RMDN2: variants seen among roughly 807,000 people sequenced by gnomAD.
RMDN2 encodes the protein regulator of microtubule dynamics 2.
Under a neutral mutation model 52.8 loss-of-function variants are expected in RMDN2, and 61 were observed. That is an observed-to-expected ratio of 1.16 (90% CI 0.94 to 1.43). The LOEUF (loss-of-function observed/expected upper bound fraction) is 1.43, where lower values mean the gene tolerates loss of function less well. Ranked by LOEUF, RMDN2 falls within the 40% of genes most tolerant of loss-of-function variation. RMDN2 has a pLI of 0.00. For synonymous variants in RMDN2, 180 were observed against 153.1 expected (o/e 1.18, Z -1.30); for missense variants, 592 against 475.3 (o/e 1.25, Z -2.28).
chr2:38,059,606 G>T (rs889918475), intron 10 of RMDN2, among the ~76,000 whole-genome samples: 2 of 152,186 alleles, frequency 1.3e-5, no homozygotes, highest in Non-Finnish European at 2.9e-5. Flanking sequence ...GTAGAGCAAG[G>T]TAGGCATGTC....
chr2:38,059,767 G>A (rs893731008), intron 10 of RMDN2, among the ~76,000 whole-genome samples: 6 of 152,116 alleles, frequency 3.9e-5, no homozygotes, highest in Non-Finnish European at 8.8e-5. Flanking sequence ...CCAAGGGCAG[G>A]TCTGTATGAT....
At chr2:37,996,301 T>C (rs1675527395) in intron 7 of RMDN2, among the ~76,000 whole-genome samples, 1 of 152,246 alleles carries the variant, frequency 6.6e-6, no homozygotes, top group African/African-American at 2.4e-5. Context: ...TAGAGGATAA[T>C]GGACTGGGCA....
chr2:38,001,405 C>G (rs1200412562), intron 8 of RMDN2, among the ~76,000 whole-genome samples: 1 of 152,206 alleles, frequency 6.6e-6, no homozygotes, highest in East Asian at 1.9e-4. Context: ...TGCTACCCTC[C>G]TTGTAATTCA....
chr2:37,937,931 A>C (rs1373288702), intron 2 of RMDN2, among the ~76,000 whole-genome samples: 2 of 152,182 alleles, frequency 1.3e-5, no homozygotes, highest in Non-Finnish European at 2.9e-5. Context: ...GCTATGTTGA[A>C]TAGGAGTGGT....
At chr2:37,933,101 G>A (rs1383674026) in intron 2 of RMDN2, among the ~76,000 whole-genome samples, 1 of 151,854 alleles carries the variant, frequency 6.6e-6, no homozygotes, top group African/African-American at 2.4e-5. Context: ...TTCTCAGGGC[G>A]GCTGGGCAGA....
chr2:37,963,923 G>A (rs1157440712), intron 2 of RMDN2, among the ~76,000 whole-genome samples: 1 of 148,826 alleles, frequency 6.7e-6, no homozygotes. Context: ...CCTCCCGGAC[G>A]GGGCGGCGGC....
At chr2:38,023,423 A>G (rs979112054) in intron 10 of RMDN2, among the ~76,000 whole-genome samples, 49 of 152,246 alleles carry the variant, frequency 3.2e-4, no homozygotes, top group Non-Finnish European at 1.3e-4. Context: ...TTATATTTGT[A>G]TTTTGAATAT....
intron 1 of RMDN2, among the ~76,000 whole-genome samples, chr2:37,926,106 C>G (rs968101459): frequency 1.3e-5 from 2 of 152,180 alleles, no homozygotes; most frequent in Non-Finnish European, 2.9e-5. Context: ...ACTTAAACCT[C>G]GGGCTTTTTT....
intron 5 of RMDN2, among the ~76,000 whole-genome samples, chr2:37,986,427 C>T (rs922645089): frequency 6.6e-5 from 10 of 152,222 alleles, no homozygotes; most frequent in African/African-American, 2.2e-4. Flanking sequence ...GGGTACACTT[C>T]CTAACTCATT....
At position 38,028,329 on chromosome 2, in the gene RMDN2, T is replaced by TTTA. The variant is rs1276329032; in HGVS notation, c.1713+24122_1713+24124dup. 6.6e-5 allele frequency: 10 copies of TTTA among 152,296 alleles called. No homozygotes were observed. In the East Asian group the frequency reaches 1.9e-3, roughly 29 times the overall value. 9.4% of individuals were successfully genotyped at this position (152,296 alleles called of 1,614,324 possible). A position where few individuals can be genotyped will look rare whatever the true frequency, so the allele number is the denominator to read the frequency against. On this transcript the variant is annotated intron_variant, in intron 10 of 10. Coordinates refer to the RMDN2 transcript ENST00000234195. The stretch of plus-strand genomic sequence containing the variant: ...ATTATCACGTCCAGAAAAATAACAT[T>TTTA]TTATTATTATTTATTGACTGCATAG...
rs138971132 is a variant in RMDN2 at position 38,044,027 on chromosome 2, G to A, written c.1714-22955G>A. Among the ~76,000 whole-genome samples the A allele has an allele frequency of 6.1e-4, 92 of 151,754 alleles. 1 individual carries two copies. The highest frequency in any genetic ancestry group is 1.3e-3 in the African/African-American group (55 of 41,418). ...TTAGAAATTTCTTTTAATATTTCTT[G>A]CAAAGGAGGTCTACTGACTTTGCAA... On this transcript the variant is annotated intron_variant, in intron 10 of 10. Coordinates refer to the RMDN2 transcript ENST00000234195.
At chr2:37,941,819 G>C (rs1306149954) in intron 2 of RMDN2, among the ~76,000 whole-genome samples, 1 of 152,064 alleles carries the variant, frequency 6.6e-6, no homozygotes. Context: ...GTGGATCTTA[G>C]TTTGCTGGGC....
intron 2 of RMDN2, among the ~76,000 whole-genome samples, chr2:37,972,731 TG>T (rs199502940): frequency 0.011 from 1,744 of 151,948 alleles, 33 homozygotes; most frequent in African/African-American, 0.04. Flanking sequence ...TGGGGAGAGG[TG>T]GGGAGAAGTG....
At chr2:38,008,440 G>C (rs1677439154) in intron 10 of RMDN2, among the ~76,000 whole-genome samples, 1 of 152,140 alleles carries the variant, frequency 6.6e-6, no homozygotes, top group Non-Finnish European at 1.5e-5. Context: ...TTGTTGAATT[G>C]ATCCCTTTAC....
intron 1 of RMDN2, among the ~76,000 whole-genome samples, chr2:37,926,991 A>G (rs184840247): frequency 6.6e-6 from 1 of 152,314 alleles, no homozygotes; most frequent in East Asian, 1.9e-4. Flanking sequence ...GAAGGCAAGC[A>G]AGTACTCTGA....
At chr2:38,043,563 T>G (rs1380364517) in intron 10 of RMDN2, among the ~76,000 whole-genome samples, 1 of 152,142 alleles carries the variant, frequency 6.6e-6, no homozygotes, top group African/African-American at 2.4e-5. Flanking sequence ...CTTTGTTTCC[T>G]TTTTTCATCT....
chr2:38,043,559 T>C (rs1681092108), intron 10 of RMDN2, among the ~76,000 whole-genome samples: 1 of 152,144 alleles, frequency 6.6e-6, no homozygotes, highest in African/African-American at 2.4e-5. Context: ...TGTTCTTTGT[T>C]TCCTTTTTTC....
intron 2 of RMDN2, among the ~76,000 whole-genome samples, chr2:37,963,510 G>T (rs1351780934): frequency 3.9e-5 from 6 of 151,910 alleles, no homozygotes; most frequent in Non-Finnish European, 7.4e-5. Context: ...TTAGGGAGTG[G>T]TGATGACTCT....
In RMDN2 at chr2:37,929,376, A is replaced by C. The variant is rs1386211000; in HGVS notation, c.99A>C (p.Pro33=). Residue 33 remains proline, a synonymous_variant, in exon 2 of 11, where the codon CCA becomes CCC. Transcript: ENST00000354545. ...LLLWYHKVRK[P]GIAMKLPEFL... ...TGTGGTACCACAAGGTCCGTAAACCAGGGATAGCAATGAAGTTACCTGAAT... is the reference window on the plus strand; with the variant it reads ...TGTGGTACCACAAGGTCCGTAAACCCGGGATAGCAATGAAGTTACCTGAAT... 2 of 1,551,620 alleles carry C rather than the reference A, an allele frequency of 1.3e-6. No individual in the cohort carries two copies. The highest frequency in any genetic ancestry group is 1.4e-5 in the African/African-American group (1 of 73,054).
Sources: gnomAD v4.1 joint callset for allele counts (sites outside exome capture counted in the v4.1 genomes callset) on GRCh38, gnomAD v4.1.1 for gene constraint, MANE v1.5 for transcripts, NCBI Gene and HGNC (gene_info 2026-07-23, HGNC 2026-07-21) for gene names.